The following APP variants were observed in gnomAD, a reference collection of about 807,000 sequenced individuals.
APP encodes the protein amyloid beta precursor protein.
Under a neutral mutation model 101.4 loss-of-function variants are expected in APP, and 31 were observed. That is an observed-to-expected ratio of 0.31 (90% CI 0.23 to 0.41). The LOEUF (loss-of-function observed/expected upper bound fraction) is 0.41, where lower values mean the gene tolerates loss of function less well. Ranked by LOEUF, APP falls within the 10% of genes least tolerant of loss-of-function variation. APP has a pLI of 1.00. For missense variants in APP, 839 were observed against 1,003.7 expected (o/e 0.84, Z 2.22); for synonymous variants, 366 against 364.4 (o/e 1.00, Z -0.05).
At chr21:26,166,744 T>G (rs1020113756) in intron 1 of APP, among the ~76,000 whole-genome samples, 1 of 152,244 alleles carries the variant, frequency 6.6e-6, no homozygotes, top group Non-Finnish European at 1.5e-5. Flanking sequence ...TCTCATACTC[T>G]GCCCATCAAG....
At chr21:26,052,248 G>A (rs1340215315) in intron 4 of APP, among the ~76,000 whole-genome samples, 3 of 152,090 alleles carry the variant, frequency 2.0e-5, no homozygotes, top group Admixed American at 1.3e-4. Flanking sequence ...TGGGGGTGGC[G>A]GGTGGTTATC....
rs532975958 is a variant in APP at position 25,918,556 on chromosome 21, T to C, written c.1688-6594A>G. 5.3e-5 allele frequency among the ~76,000 whole-genome samples: 8 copies of C among 152,054 alleles called. No individual in the cohort carries two copies. In the South Asian group the frequency reaches 6.2e-4, roughly 12 times the overall value. On this transcript the variant is annotated intron_variant, in intron 13 of 17. Transcript: ENST00000346798. ...GCGCGAGCCGAAGCAGGGCGAGGCATTGCCTCACCTGGGAAGCGCAAGGGG... is the reference window on the plus strand; with the variant it reads ...GCGCGAGCCGAAGCAGGGCGAGGCACTGCCTCACCTGGGAAGCGCAAGGGG...
intron 5 of APP, among the ~76,000 whole-genome samples, chr21:26,042,813 G>A (rs1022603847): frequency 6.6e-6 from 1 of 152,262 alleles, no homozygotes; most frequent in East Asian, 1.9e-4. Flanking sequence ...CCATTTGGGA[G>A]GCTGAGGCAG....
intron 1 of APP, among the ~76,000 whole-genome samples, chr21:26,113,234 T>A (rs933451310): frequency 6.6e-6 from 1 of 152,188 alleles, no homozygotes; most frequent in Non-Finnish European, 1.5e-5. Flanking sequence ...CAGAAGCCAT[T>A]CGTTCACACA....
chr21:26,147,977 A>G (rs576921624), intron 1 of APP, among the ~76,000 whole-genome samples: 8 of 152,314 alleles, frequency 5.3e-5, no homozygotes, highest in African/African-American at 1.9e-4. Context: ...TTTTCTCCCG[A>G]ATCTAAGGTC....
intron 8 of APP, among the ~76,000 whole-genome samples, chr21:25,989,931 A>T (rs1244688755): frequency 6.7e-6 from 1 of 148,992 alleles, no homozygotes; most frequent in East Asian, 2.0e-4. Context: ...CTAAAAAAAA[A>T]AAAAGTGTCT....
chr21:26,129,589 T>C (rs1024155643), intron 1 of APP, among the ~76,000 whole-genome samples: 1 of 152,136 alleles, frequency 6.6e-6, no homozygotes, highest in Non-Finnish European at 1.5e-5. Flanking sequence ...AGATGGCTAA[T>C]GACAAGCAGA....
chr21:26,139,300 A>T (rs1298632536), intron 1 of APP, among the ~76,000 whole-genome samples: 1 of 152,210 alleles, frequency 6.6e-6, no homozygotes, highest in East Asian at 1.9e-4. Flanking sequence ...CTTAATCTCA[A>T]ATATAAGCTC....
At chr21:25,931,318 C>T (rs1461323656) in intron 13 of APP, among the ~76,000 whole-genome samples, 1 of 152,078 alleles carries the variant, frequency 6.6e-6, no homozygotes, top group Admixed American at 6.5e-5. Context: ...GACAAGCTGC[C>T]CAGGATCTGT....
intron 1 of APP, among the ~76,000 whole-genome samples, chr21:26,160,443 T>G (rs2063467293): frequency 6.6e-6 from 1 of 152,168 alleles, no homozygotes; most frequent in Admixed American, 6.6e-5. Flanking sequence ...AAAATAAGAT[T>G]GAGAAAATAC....
At chr21:26,101,124 G>A (rs2062047574) in intron 2 of APP, among the ~76,000 whole-genome samples, 1 of 128,066 alleles carries the variant, frequency 7.8e-6, no homozygotes, top group Non-Finnish European at 1.6e-5. Flanking sequence ...TTTTTGGGAT[G>A]GAGTCTCACT....
chr21:26,126,433 A>G (rs1436260718), intron 1 of APP, among the ~76,000 whole-genome samples: 1 of 152,188 alleles, frequency 6.6e-6, no homozygotes, highest in Non-Finnish European at 1.5e-5. Flanking sequence ...GTGTACGGCC[A>G]ATCTCCAGTC....
intron 2 of APP, among the ~76,000 whole-genome samples, chr21:26,102,184 G>C (rs1367798344): frequency 6.0e-5 from 9 of 149,074 alleles, no homozygotes. Flanking sequence ...CACCTCCCGG[G>C]TTCACGCCAT....
At chr21:26,002,733 C>T (rs1024967188) in intron 6 of APP, among the ~76,000 whole-genome samples, 1 of 152,128 alleles carries the variant, frequency 6.6e-6, no homozygotes, top group Non-Finnish European at 1.5e-5. Flanking sequence ...CAAAATTTAC[C>T]ATGCCTTGGC....
chr21:25,912,113 C>T, intron 13 of APP, 151 bp from the exon 14 acceptor site: 1 of 711,136 alleles, frequency 1.4e-6, no homozygotes, highest in Non-Finnish European at 2.5e-6. Flanking sequence ...CCATTATCAT[C>T]TCCCTTTTAC....
In APP at chr21:25,956,029, T is replaced by A. The variant is rs1475811211; in HGVS notation, c.1459-274A>T. On this transcript the variant is annotated intron_variant, in intron 11 of 17. Coordinates refer to ENST00000346798, the MANE Select transcript of APP (RefSeq NM_000484.4). ...TCAACATTTTCTTTTTAAATAGGAGTACTCTGCTATAGAAAGAGAACAGAT... is the reference window on the plus strand; with the variant it reads ...TCAACATTTTCTTTTTAAATAGGAGAACTCTGCTATAGAAAGAGAACAGAT... 3.3e-5 allele frequency among the ~76,000 whole-genome samples: 5 copies of A among 152,296 alleles called. No homozygotes were observed. The East Asian group carries it at 9.6e-4, about 29-fold the overall frequency.
chr21:26,108,043 A>G (rs1601481418), intron 2 of APP, among the ~76,000 whole-genome samples: 1 of 151,958 alleles, frequency 6.6e-6, no homozygotes, highest in Non-Finnish European at 1.5e-5. Flanking sequence ...GTATGGAGGG[A>G]CTCATTTCTA....
At chr21:26,022,342 G>T (rs1411768223) in intron 5 of APP, among the ~76,000 whole-genome samples, 2 of 152,184 alleles carry the variant, frequency 1.3e-5, no homozygotes, top group Admixed American at 1.3e-4. Context: ...GGTTCAGGGG[G>T]AGTGGGGAAG....
Position 25,976,028 on chromosome 21 carries a change from C to G in APP, c.1225G>C (p.Val409Leu), listed in dbSNP as rs1487805466. The change falls in exon 10 of 18, where the codon GTC (valine) becomes CTC (leucine). Residue 409 changes from valine (V) to leucine (L), a missense_variant and splice_region_variant. Val to Leu is a conservative substitution (Grantham distance 32). Coordinates refer to ENST00000346798, the MANE Select transcript of APP (RefSeq NM_000484.4). ...EAKHRERMSQ[V>L]MREWEEAERQ... Reference sequence around the variant, plus strand: ...TCTGCCTCTTCCCATTCTCTCATGACCTATAAATTAAGGAAACATTTGAAT... The same window carrying G: ...TCTGCCTCTTCCCATTCTCTCATGAGCTATAAATTAAGGAAACATTTGAAT... 1 of 1,612,292 alleles carries G rather than the reference C, an allele frequency of 6.2e-7. No individual in the cohort carries two copies.
Sources: gnomAD v4.1 joint callset for allele counts (sites outside exome capture counted in the v4.1 genomes callset) on GRCh38, gnomAD v4.1.1 for gene constraint, MANE v1.5 for transcripts, NCBI Gene and HGNC (gene_info 2026-07-23, HGNC 2026-07-21) for gene names.